The following LAPTM4B variants were observed in gnomAD, a reference collection of about 807,000 sequenced individuals.
The protein encoded by LAPTM4B is lysosomal-associated transmembrane protein 4B.
In LAPTM4B, 26 loss-of-function variants were observed where a neutral mutation model predicts 28.5. That is an observed-to-expected ratio of 0.91 (90% CI 0.67 to 1.27). The LOEUF (loss-of-function observed/expected upper bound fraction) is 1.27. Ranked by LOEUF, LAPTM4B falls within the 50% of genes most tolerant of loss-of-function variation. LAPTM4B has a pLI of 0.00. For missense variants in LAPTM4B, 288 were observed against 285.8 expected (o/e 1.01, Z -0.06); for synonymous variants, 109 against 106.4 (o/e 1.02, Z -0.15).
At chr8:97,822,573 G>C (rs955955571) in intron 5 of LAPTM4B, among the ~76,000 whole-genome samples, 2 of 137,252 alleles carry the variant, frequency 1.5e-5, no homozygotes, top group African/African-American at 5.3e-5. Flanking sequence ...TATTTATTAA[G>C]GCACAACCAT....
intron 6 of LAPTM4B, among the ~76,000 whole-genome samples, chr8:97,850,369 G>A (rs184203632): frequency 1.5e-4 from 22 of 151,602 alleles, no homozygotes; most frequent in Admixed American, 7.2e-4. Flanking sequence ...ATAGGCACTG[G>A]CCCACCCTCG....
At chr8:97,834,956 GA>G (rs1472770143) in intron 6 of LAPTM4B, among the ~76,000 whole-genome samples, 1 of 152,140 alleles carries the variant, frequency 6.6e-6, no homozygotes, top group Non-Finnish European at 1.5e-5. Flanking sequence ...AGATTGTTTA[GA>G]ACTAAAGGAG....
chr8:97,780,815 T>C (rs1388827713), intron 1 of LAPTM4B, among the ~76,000 whole-genome samples: 2 of 152,180 alleles, frequency 1.3e-5, no homozygotes, highest in Non-Finnish European at 2.9e-5. Context: ...CTTGGAATAA[T>C]AAAAGTTTTC....
chr8:97,802,148 A>G (rs1474223205), intron 1 of LAPTM4B, among the ~76,000 whole-genome samples: 3 of 152,350 alleles, frequency 2.0e-5, no homozygotes, highest in African/African-American at 4.8e-5. Context: ...CGTGCAAGAA[A>G]TAATTCAGAT....
At chr8:97,791,455 C>G (rs1015234699) in intron 1 of LAPTM4B, among the ~76,000 whole-genome samples, 6 of 152,272 alleles carry the variant, frequency 3.9e-5, no homozygotes, top group Middle Eastern at 3.4e-3. Flanking sequence ...ACCCTGTGTT[C>G]TTTGAGTACG....
chr8:97,848,484 GA>G (rs144538894), intron 6 of LAPTM4B, among the ~76,000 whole-genome samples: 1 of 149,098 alleles, frequency 6.7e-6, no homozygotes, highest in Non-Finnish European at 1.5e-5. Flanking sequence ...GTTTTGCCTA[GA>G]AAAAAAAATG....
At chr8:97,799,517 T>G (rs1816639395) in intron 1 of LAPTM4B, among the ~76,000 whole-genome samples, 1 of 152,216 alleles carries the variant, frequency 6.6e-6, no homozygotes, top group Non-Finnish European at 1.5e-5. Context: ...TCAGGTTATC[T>G]GAACCTGAGC....
intron 6 of LAPTM4B, among the ~76,000 whole-genome samples, chr8:97,848,955 C>G (rs1182480162): frequency 6.6e-6 from 1 of 152,094 alleles, no homozygotes; most frequent in African/African-American, 2.4e-5. Context: ...CAAGCTGACA[C>G]TTTTGGAATT....
At chr8:97,846,463 G>A (rs1817436201) in intron 6 of LAPTM4B, among the ~76,000 whole-genome samples, 2 of 152,030 alleles carry the variant, frequency 1.3e-5, no homozygotes, top group Non-Finnish European at 2.9e-5. Flanking sequence ...GAGTAGCTGG[G>A]ATTACAGGCA....
At chr8:97,794,780 C>A (rs988429800) in intron 1 of LAPTM4B, among the ~76,000 whole-genome samples, 5 of 152,184 alleles carry the variant, frequency 3.3e-5, no homozygotes, top group African/African-American at 1.2e-4. Flanking sequence ...ATGGCGTGAT[C>A]TTGGCTCACT....
At chr8:97,845,883 C>A (rs1470556006) in intron 6 of LAPTM4B, among the ~76,000 whole-genome samples, 1 of 81,788 alleles carries the variant, frequency 1.2e-5, no homozygotes, top group Admixed American at 1.2e-4. Flanking sequence ...CCTCCCCTCC[C>A]CTCCCCTCCC....
rs573680161 is a variant in LAPTM4B, at chr8:97,790,316, T to C, written c.99+14208T>C. On this transcript the variant is annotated intron_variant, in intron 1 of 6. Transcript: ENST00000521545. ...ACTGTTCTCCATAGTGGTTGTATAA[T>C]TTTTTTTTTTTTTTTAGACAGAGTC... 1.4e-4 allele frequency among the ~76,000 whole-genome samples: 19 copies of C among 138,744 alleles called. No individual in the cohort carries two copies. In the East Asian group the frequency reaches 2.0e-3, roughly 15 times the overall value. 91.0% of individuals were successfully genotyped at this position (138,744 alleles called of 152,430 possible).
chr8:97,816,920 A>G lies in LAPTM4B; in HGVS notation c.408+740A>G, dbSNP rs185915419. The stretch of plus-strand genomic sequence containing the variant: ...ACGCCACTGCACTCCAGCCTGGGCA[A>G]TAGAGTGAGATCTCATCTAAAAAAA... On this transcript the variant is annotated intron_variant, in intron 4 of 6. Transcript: ENST00000521545. Among the ~76,000 whole-genome samples the G allele has an allele frequency of 5.1e-3, 729 of 144,112 alleles. 2 individuals carry two copies. The highest frequency in any genetic ancestry group is 0.016 in the African/African-American group (649 of 39,762). 94.5% of individuals were successfully genotyped at this position (144,112 alleles called of 152,430 possible).
chr8:97,824,775 T>C (rs1369573046), intron 5 of LAPTM4B, among the ~76,000 whole-genome samples: 6 of 152,104 alleles, frequency 3.9e-5, no homozygotes, highest in Admixed American at 3.9e-4. Context: ...TTCTTAGAAA[T>C]TTCTCATTCA....
chr8:97,800,484 C>CTTTTTTTTT lies in LAPTM4B; in HGVS notation c.100-4850_100-4842dup, dbSNP rs546425169. Among the ~76,000 whole-genome samples, 66 of 69,326 alleles carry CTTTTTTTTT rather than the reference C, an allele frequency of 9.5e-4. 5 individuals carry two copies. Among genetic ancestry groups the CTTTTTTTTT allele is most frequent in the African/African-American group, 4.6e-3 (62 of 13,394 alleles). The allele number at this position is 69,326 out of a possible 152,430, so 45.5% of individuals were successfully genotyped here. On this transcript the variant is annotated intron_variant, in intron 1 of 6. Transcript: ENST00000521545. The stretch of plus-strand genomic sequence containing the variant: ...CTTCTGTAATATTACCCCTTGACCT[C>CTTTTTTTTT]TTTTTTTTTTTTTTTTTTTTTTTTT...
intron 1 of LAPTM4B, among the ~76,000 whole-genome samples, chr8:97,782,518 AACGTCT>A (rs1250673541): frequency 6.6e-6 from 1 of 151,298 alleles, no homozygotes; most frequent in African/African-American, 2.4e-5. Flanking sequence ...AGCTCACTGC[AACGTCT>A]GCCTCCCGGG....
chr8:97,792,983 C>T (rs1287485020), intron 1 of LAPTM4B, among the ~76,000 whole-genome samples: 1 of 152,038 alleles, frequency 6.6e-6, no homozygotes, highest in African/African-American at 2.4e-5. Flanking sequence ...AATAGTGTCA[C>T]CTCAGAAATC....
intron 2 of LAPTM4B, among the ~76,000 whole-genome samples, chr8:97,812,093 A>G (rs1199187559): frequency 6.6e-6 from 1 of 151,828 alleles, no homozygotes; most frequent in African/African-American, 2.4e-5. Flanking sequence ...GGAGTGAGCC[A>G]CCGCGCCCGG....
intron 6 of LAPTM4B, among the ~76,000 whole-genome samples, chr8:97,846,588 G>C (rs970739375): frequency 4.6e-5 from 7 of 152,048 alleles, no homozygotes; most frequent in African/African-American, 1.7e-4. Flanking sequence ...CAGTCTCCCA[G>C]AGTACTGGAA....
Sources: gnomAD v4.1 joint callset for allele counts (sites outside exome capture counted in the v4.1 genomes callset) on GRCh38, gnomAD v4.1.1 for gene constraint, MANE v1.5 for transcripts, NCBI Gene and HGNC (gene_info 2026-07-23, HGNC 2026-07-21) for gene names.